Variants in PPP2R2C observed in about 807,000 individuals in gnomAD.
PPP2R2C encodes protein phosphatase 2, regulatory subunit B, gamma.
PPP2R2C carries 10 observed loss-of-function variants against 45.3 expected under a neutral mutation model. The ratio of observed to expected loss-of-function variants is 0.22; its 90% CI spans 0.14 to 0.37. The LOEUF (loss-of-function observed/expected upper bound fraction) is 0.37, where lower values mean the gene tolerates loss of function less well. Ranked by LOEUF, PPP2R2C falls within the 10% of genes least tolerant of loss-of-function variation. PPP2R2C has a pLI of 1.00. For synonymous variants in PPP2R2C, 257 were observed against 245.4 expected (o/e 1.05, Z -0.44); for missense variants, 308 against 619.7 (o/e 0.50, Z 5.34).
At chr4:6,336,777 TTCCCTCCCTCCCTCCCTCCCTCCTTCCA>T (rs1732944498) in intron 6 of PPP2R2C, among the ~76,000 whole-genome samples, 1 of 5,154 alleles carries the variant, frequency 1.9e-4, no homozygotes, top group Non-Finnish European at 3.2e-4. Flanking sequence ...CCCTCCCTCC[TTCCCTCCCTCCCTCCCTCCCTCCTTCCA>T]TCCCTCCCTC....
At chr4:6,502,755 G>C (rs1210711412) in intron 2 of PPP2R2C, among the ~76,000 whole-genome samples, 2 of 151,958 alleles carry the variant, frequency 1.3e-5, no homozygotes, top group African/African-American at 4.8e-5. Flanking sequence ...TTCCAATGAG[G>C]GTCTATTTTC....
chr4:6,329,425 C>G lies in PPP2R2C; in HGVS notation c.961-72G>C. 7.5e-7 allele frequency: 1 copy of G among 1,332,996 alleles called. No individual in the cohort carries two copies. The highest frequency in any genetic ancestry group is 1.1e-6 in the Non-Finnish European group (1 of 928,870). The allele number at this position is 1,332,996 out of a possible 1,614,324, so 82.6% of individuals were successfully genotyped here. The stretch of plus-strand genomic sequence containing the variant: ...CCTGGCCCTTCCACAAGAAGGGTCT[C>G]AAAGAGCAGCGAGGGTCTGCATGCC... On this transcript the variant is annotated intron_variant, in intron 7 of 8. Transcript: ENST00000382599. This position sits in a 1 kb window ranked among gnomAD's most constrained non-coding sequence, Gnocchi z 5.8.
chr4:6,366,939 G>A (rs978578362), intron 5 of PPP2R2C, among the ~76,000 whole-genome samples: 22 of 152,236 alleles, frequency 1.4e-4, no homozygotes, highest in Admixed American at 1.3e-4. Context: ...CAGAGGTTCC[G>A]ATGAGCCAAT....
At chr4:6,384,955 T>G (rs875864) in intron 1 of PPP2R2C, 326,079 of 661,658 alleles carry the variant, frequency 0.49, 84,122 homozygotes, top group East Asian at 0.59. Flanking sequence ...TTATCTGTAG[T>G]GTGCTTATGG....
At chr4:6,525,866 G>T (rs550438060) in intron 2 of PPP2R2C, among the ~76,000 whole-genome samples, 1 of 152,126 alleles carries the variant, frequency 6.6e-6, no homozygotes, top group South Asian at 2.1e-4. Flanking sequence ...ACCACACCCA[G>T]CTAATTTTTA....
chr4:6,409,944 T>C (rs1577157626), intron 1 of PPP2R2C, among the ~76,000 whole-genome samples: 1 of 152,220 alleles, frequency 6.6e-6, no homozygotes, highest in East Asian at 1.9e-4. Context: ...AACTGAGGCC[T>C]TCCCTGCCTT....
chr4:6,489,464 A>T (rs1251051701), intron 2 of PPP2R2C, among the ~76,000 whole-genome samples: 1 of 152,100 alleles, frequency 6.6e-6, no homozygotes, highest in Non-Finnish European at 1.5e-5. Context: ...GCCCTCTCCA[A>T]AGCAGTATGC....
At chr4:6,448,571 C>T (rs1160599396) in intron 1 of PPP2R2C, among the ~76,000 whole-genome samples, 1 of 152,140 alleles carries the variant, frequency 6.6e-6, no homozygotes, top group African/African-American at 2.4e-5. Flanking sequence ...CCATCTGGAT[C>T]GCCCTTCTCT....
rs926716080 is a variant in PPP2R2C, at chr4:6,328,440, C to T, written c.1052+822G>A. Among the ~76,000 whole-genome samples, 4 of 152,214 alleles carry T rather than the reference C, an allele frequency of 2.6e-5. No homozygotes were observed. Among genetic ancestry groups the T allele is most frequent in the African/African-American group, 9.7e-5 (4 of 41,448 alleles). On this transcript the variant is annotated intron_variant, in intron 8 of 8. Transcript: ENST00000382599. This position sits in a 1 kb window ranked among gnomAD's most constrained non-coding sequence, Gnocchi z 4.4. ...TCGAAACTCACAGATGGAGAGTAGG[C>T]TTGTCCATTTCAGAATCTTACGCCT...
At chr4:6,421,507 C>T (rs1577169785) in intron 1 of PPP2R2C, among the ~76,000 whole-genome samples, 1 of 152,146 alleles carries the variant, frequency 6.6e-6, no homozygotes, top group East Asian at 1.9e-4. Flanking sequence ...GCTCTAGATA[C>T]TGAGTGTCAT....
chr4:6,383,711 C>CT, intron 1 of PPP2R2C: 1 of 714,864 alleles, frequency 1.4e-6, no homozygotes, highest in Non-Finnish European at 1.8e-6. Context: ...TCTGTAAAGG[C>CT]TTTTATCATC....
intron 2 of PPP2R2C, among the ~76,000 whole-genome samples, chr4:6,512,212 A>C (rs868479323): frequency 6.3e-5 from 1 of 15,998 alleles, no homozygotes; most frequent in Admixed American, 6.6e-4. Flanking sequence ...GGTGGTGGTG[A>C]TGGTGGTGTT....
intron 1 of PPP2R2C, among the ~76,000 whole-genome samples, chr4:6,445,496 A>C (rs1720370714): frequency 6.6e-6 from 1 of 152,256 alleles, no homozygotes; most frequent in South Asian, 2.1e-4. Flanking sequence ...CTCATCTCAC[A>C]CAAAGGCACA....
At chr4:6,511,807 TTGG>T (rs1723553967) in intron 2 of PPP2R2C, among the ~76,000 whole-genome samples, 1 of 2,188 alleles carries the variant, frequency 4.6e-4, no homozygotes, top group South Asian at 0.12. Context: ...GATGGTGGTG[TTGG>T]TGGTGGTGAT....
At chr4:6,428,345 G>A (rs115138734) in intron 1 of PPP2R2C, among the ~76,000 whole-genome samples, 265 of 152,290 alleles carry the variant, frequency 1.7e-3, no homozygotes, top group African/African-American at 6.1e-3. Context: ...CCTGCTCACC[G>A]CAAGAAGCCA....
chr4:6,416,079 T>A (rs1258863019), intron 1 of PPP2R2C, among the ~76,000 whole-genome samples: 1 of 130,594 alleles, frequency 7.7e-6, no homozygotes, highest in Non-Finnish European at 1.7e-5. Context: ...GGATTTCTCA[T>A]GAGCAATTTA....
At chr4:6,465,482 G>A (rs1222358276) in intron 1 of PPP2R2C, among the ~76,000 whole-genome samples, 2 of 152,174 alleles carry the variant, frequency 1.3e-5, no homozygotes, top group Non-Finnish European at 2.9e-5. Context: ...CAGAGTTCCA[G>A]CAGAGCAGGG....
At chr4:6,350,417 G>A in intron 5 of PPP2R2C, 1 of 985,448 alleles carries the variant, frequency 1.0e-6, no homozygotes, top group Non-Finnish European at 1.2e-6. Flanking sequence ...GTGCAGTAGA[G>A]AGGCAGGGCA....
intron 1 of PPP2R2C, among the ~76,000 whole-genome samples, chr4:6,425,620 G>A (rs1719241503): frequency 6.6e-6 from 1 of 152,166 alleles, no homozygotes; most frequent in African/African-American, 2.4e-5. Context: ...CTGCCTTTTT[G>A]CACAGGCTGC....
Sources: allele counts gnomAD v4.1 joint callset (sites outside exome capture counted in the v4.1 genomes callset), GRCh38; gene constraint gnomAD v4.1.1; non-coding constraint Gnocchi (gnomAD v3.1); transcripts MANE v1.5; gene names NCBI Gene and HGNC (gene_info 2026-07-23, HGNC 2026-07-21).